Variants in UBASH3A observed in about 807,000 individuals in gnomAD.
The protein encoded by UBASH3A is ubiquitin associated and SH3 domain containing A.
A neutral mutation model predicts 73.5 loss-of-function variants in UBASH3A; 63 were observed. The ratio of observed to expected loss-of-function variants is 0.86; its 90% CI spans 0.70 to 1.06. The LOEUF is 1.06. Among genes scored for constraint, UBASH3A ranks in the 50% least tolerant of loss-of-function variants. UBASH3A has a pLI of 0.00. For missense variants in UBASH3A, 860 were observed against 859.0 expected, an observed-to-expected ratio of 1.00 and a Z score of -0.02; for synonymous variants, 363 against 351.1, an observed-to-expected ratio of 1.03 and a Z score of -0.38.
chr21:42,431,785 C>T (rs1000841482), intron 8 of UBASH3A, among the ~76,000 whole-genome samples: 1 of 152,136 alleles, frequency 6.6e-6, no homozygotes, highest in African/African-American at 2.4e-5. Flanking sequence ...CCTAAGACGT[C>T]TCTATGGGAA....
intron 9 of UBASH3A, 74 bp from the exon 10 acceptor site, chr21:42,434,758 G>A: frequency 6.6e-7 from 1 of 1,516,164 alleles, no homozygotes; most frequent in Non-Finnish European, 8.9e-7. Flanking sequence ...GTGGGTCTTG[G>A]TCTTGGGAGT....
intron 8 of UBASH3A, 26 bp from the exon 9 acceptor site, chr21:42,432,077 G>T (rs1427052458): frequency 6.7e-7 from 1 of 1,500,102 alleles, no homozygotes; most frequent in Non-Finnish European, 9.2e-7. Flanking sequence ...AACTGCATGT[G>T]CCTTGCTTCC....
At chr21:42,421,357 T>C (rs7282464) in intron 7 of UBASH3A, among the ~76,000 whole-genome samples, 4,232 of 152,320 alleles carry the variant, frequency 0.028, 79 homozygotes, top group Non-Finnish European at 0.04. Flanking sequence ...CAGAGCTGTG[T>C]GGCTGGGGAA....
rs1568913429 is a variant in UBASH3A, at chr21:42,413,557, G to A, written c.667+34G>A. On this transcript the variant is annotated intron_variant, in intron 5 of 14. Coordinates refer to ENST00000319294, the MANE Select transcript of UBASH3A (RefSeq NM_018961.4). The surrounding 1 kb of genome is among the most constrained non-coding windows in gnomAD (Gnocchi z 4.5). Reference sequence around the variant, plus strand: ...TTAGAAAGCTTCCGGACCAGCTTTGGTCTTCTCTTTAGGCGGGAATAGCCT... The same window carrying A: ...TTAGAAAGCTTCCGGACCAGCTTTGATCTTCTCTTTAGGCGGGAATAGCCT... 15 of 1,500,360 alleles carry A rather than the reference G, an allele frequency of 1.0e-5. No homozygotes were observed. Among genetic ancestry groups the A allele is most frequent in the African/African-American group, 2.8e-5 (2 of 72,280 alleles). The allele number at this position is 1,500,360 out of a possible 1,614,324, so 92.9% of individuals were successfully genotyped here.
chr21:42,409,735 C>A, intron 3 of UBASH3A, 127 bp downstream of exon 3: 3 of 805,970 alleles, frequency 3.7e-6, no homozygotes, highest in East Asian at 2.6e-5. Context: ...CATTAGCTGG[C>A]ACCTTCATAT....
intron 11 of UBASH3A, among the ~76,000 whole-genome samples, chr21:42,438,321 A>G (rs1316443214): frequency 6.6e-6 from 1 of 152,000 alleles, no homozygotes; most frequent in Non-Finnish European, 1.5e-5. Flanking sequence ...TTTCTCAGAG[A>G]CCTAGGAAGT....
chr21:42,406,161 C>T, intron 1 of UBASH3A, 147 bp from the exon 2 acceptor site: 1 of 726,350 alleles, frequency 1.4e-6, no homozygotes, highest in South Asian at 1.5e-5. Flanking sequence ...GGGACAGGCG[C>T]TAGAACTTCC....
rs2277799 is a variant in UBASH3A at position 42,404,014 on chromosome 21, G to A, written c.69G>A (p.Ser23=). ...AGCTCAAGAGCCGCAGCAGCCCCTC[G>A]CTCCTGGAGCCCCTCCTGGCCATGG... ...SNKLKSRSSP[S]LLEPLLAMGF... The change falls in exon 1 of 15, where the codon TCG becomes TCA. Residue 23 remains serine, a synonymous_variant. Coordinates refer to ENST00000319294, the MANE Select transcript of UBASH3A (RefSeq NM_018961.4). The A allele has an allele frequency of 7.2e-6, 11 of 1,525,424 alleles. No individual in the cohort carries two copies. The highest frequency in any genetic ancestry group is 5.6e-5 in the African/African-American group (4 of 71,590). 94.5% of individuals were successfully genotyped at this position (1,525,424 alleles called of 1,614,324 possible). A position where few individuals can be genotyped will look rare whatever the true frequency, so the allele number is the denominator to read the frequency against.
chr21:42,443,914 T>G (rs796913271), intron 13 of UBASH3A, among the ~76,000 whole-genome samples: 3 of 152,240 alleles, frequency 2.0e-5, no homozygotes, highest in African/African-American at 7.2e-5. Context: ...GGGATTTGAG[T>G]CAGCTTCCTG....
At chr21:42,431,986 T>C (rs2053539700) in intron 8 of UBASH3A, 117 bp from the exon 9 acceptor site, 2 of 646,570 alleles carry the variant, frequency 3.1e-6, no homozygotes, top group Non-Finnish European at 2.9e-6. Flanking sequence ...AGCTATTGAC[T>C]AACGAAGGAA....
intron 6 of UBASH3A, among the ~76,000 whole-genome samples, chr21:42,417,082 T>C (rs2053226727): frequency 1.3e-5 from 2 of 152,148 alleles, no homozygotes; most frequent in Non-Finnish European, 2.9e-5. Flanking sequence ...CATTCTTTTA[T>C]ATGTGAGTTA....
At chr21:42,440,398 GATCAATGT>G (rs892563393) in intron 11 of UBASH3A, among the ~76,000 whole-genome samples, 10 of 152,146 alleles carry the variant, frequency 6.6e-5, no homozygotes, top group African/African-American at 2.4e-4. Flanking sequence ...GGTTGTTTAG[GATCAATGT>G]ATTTATAATT....
intron 3 of UBASH3A, chr21:42,410,375 C>T (rs947968580): frequency 8.8e-6 from 5 of 567,136 alleles, no homozygotes; most frequent in African/African-American, 3.8e-5. Flanking sequence ...ATTTGTTCCA[C>T]CCATTTCAAG....
In UBASH3A at chr21:42,418,428, C is replaced by A. The variant is rs1376214441; in HGVS notation, c.865C>A (p.Pro289Thr). 1.9e-6 allele frequency: 3 copies of A among 1,614,198 alleles called. No individual in the cohort carries two copies. Among genetic ancestry groups the A allele is most frequent in the African/African-American group, 1.3e-5 (1 of 75,066 alleles). ...CCTGAGAGCCCTATTCCAGTACAAACCCCAGAACGTGGATGAGCTGACGCT... is the reference window on the plus strand; with the variant it reads ...CCTGAGAGCCCTATTCCAGTACAAAACCCAGAACGTGGATGAGCTGACGCT... The part of the protein sequence containing the change: ...QTLRALFQYK[P>T]QNVDELTLSP... Residue 289 changes from proline to threonine, a missense_variant, in exon 7 of 15, where the codon CCC becomes ACC. Physicochemically the swap from Pro to Thr is conservative, Grantham distance 38. Coordinates refer to ENST00000319294, the MANE Select transcript of UBASH3A (RefSeq NM_018961.4).
intron 3 of UBASH3A, among the ~76,000 whole-genome samples, chr21:42,412,735 G>A (rs1223076944): frequency 6.6e-6 from 1 of 152,170 alleles, no homozygotes; most frequent in African/African-American, 2.4e-5. Flanking sequence ...TGATGAGCAC[G>A]TGCCATGGAG....
In UBASH3A at chr21:42,444,530, A is replaced by G. The variant is rs2053812928; in HGVS notation, c.1739-4A>G. The G allele has an allele frequency of 1.9e-6, 3 of 1,610,918 alleles. No homozygotes were observed. Among genetic ancestry groups the G allele is most frequent in the Non-Finnish European group, 2.5e-6 (3 of 1,178,980 alleles). Reference sequence around the variant, plus strand: ...TGACCTGGAGGTGTTCTTGTTTTCCACAGCGGGTGTCATCCTAATTGTGAG... The same window carrying G: ...TGACCTGGAGGTGTTCTTGTTTTCCGCAGCGGGTGTCATCCTAATTGTGAG... On this transcript the variant is annotated splice_polypyrimidine_tract_variant and splice_region_variant and intron_variant, in intron 13 of 14. Coordinates refer to ENST00000319294, the MANE Select transcript of UBASH3A (RefSeq NM_018961.4).
chr21:42,445,280 C>T (rs1338391332), intron 14 of UBASH3A, among the ~76,000 whole-genome samples: 2 of 152,180 alleles, frequency 1.3e-5, no homozygotes, highest in Non-Finnish European at 2.9e-5. Context: ...CCCTTCCCTG[C>T]AGATCTACTC....
chr21:42,418,451 G>T lies in UBASH3A; in HGVS notation c.888G>T (p.Thr296=), dbSNP rs754792481. The change falls in exon 7 of 15, where the codon ACG becomes ACT. Residue 296 remains threonine (T), a synonymous_variant. Coordinates refer to ENST00000319294, the MANE Select transcript of UBASH3A (RefSeq NM_018961.4). The part of the protein sequence containing the change: ...QYKPQNVDEL[T]LSPGDYIFVD... ...AACCCCAGAACGTGGATGAGCTGAC[G>T]CTAAGTCCTGGTGACTACATCTTTG... 1.2e-6 allele frequency: 2 copies of T among 1,614,222 alleles called. No individual in the cohort carries two copies. The highest frequency in any genetic ancestry group is 2.2e-5 in the South Asian group (2 of 91,086).
chr21:42,432,989 T>G (rs1333196590), intron 9 of UBASH3A, among the ~76,000 whole-genome samples: 1 of 152,246 alleles, frequency 6.6e-6, no homozygotes, highest in Non-Finnish European at 1.5e-5. Flanking sequence ...ATAAAACAGT[T>G]TTTTTAGCTA....
Sources: gnomAD v4.1 joint callset for allele counts (sites outside exome capture counted in the v4.1 genomes callset) on GRCh38, gnomAD v4.1.1 for gene constraint, Gnocchi (gnomAD v3.1) non-coding constraint, MANE v1.5 for transcripts, NCBI Gene and HGNC (gene_info 2026-07-23, HGNC 2026-07-21) for gene names.